The following KCNH2 variants were observed in gnomAD, a reference collection of about 807,000 sequenced individuals.
KCNH2 encodes the protein potassium voltage-gated channel subfamily H member 2.
In KCNH2, 35 loss-of-function variants were observed where a neutral mutation model predicts 95.9. The observed-to-expected ratio is 0.37, with a 90% CI of 0.28 to 0.48. KCNH2 has a LOEUF of 0.48. KCNH2 is among the 20% of genes least tolerant of loss of function. The probability of loss-of-function intolerance (pLI) is 0.99; values close to 1 mark genes in which losing one functional copy is unlikely to be tolerated. For synonymous variants in KCNH2, 786 were observed against 754.7 expected (o/e 1.04, Z -0.68); for missense variants, 1,274 against 1,702.9 (o/e 0.75, Z 4.43).
In KCNH2 at chr7:150,951,898, G is replaced by C. The variant is rs2072411; in HGVS notation, c.1558-63C>G. 0.36 allele frequency: 528,467 copies of C among 1,452,134 alleles called. 100,047 individuals carry two copies. Among genetic ancestry groups the C allele is most frequent in the East Asian group, 0.71 (31,111 of 43,626 alleles). The allele number at this position is 1,452,134 out of a possible 1,614,324, so 90.0% of individuals were successfully genotyped here. A position where few individuals can be genotyped will look rare whatever the true frequency, so the allele number is the denominator to read the frequency against. ...CAAGGGGGGCAAGGGAGGAGGGGAG[G>C]TGCTGCGGCCCTCAGAGCGAGCATC... On this transcript the variant is annotated intron_variant, in intron 6 of 14. Transcript: ENST00000262186.
rs1229265065 is a variant in KCNH2, at chr7:150,958,116, C to T, written c.859G>A (p.Asp287Asn). 6.2e-6 allele frequency: 8 copies of T among 1,298,368 alleles called. No homozygotes were observed. In the South Asian group the frequency reaches 9.7e-5, roughly 16 times the overall value. The allele number at this position is 1,298,368 out of a possible 1,614,324, so 80.4% of individuals were successfully genotyped here. A position where few individuals can be genotyped will look rare whatever the true frequency, so the allele number is the denominator to read the frequency against. ...ASVRRASSADDIEAMRAGVLP... is the reference protein window; with the variant it reads ...ASVRRASSADNIEAMRAGVLP... ...ACCCCGGCGCGCATGGCCTCGATGT[C>T]GTCGGCCGACGAGGCGCGGCGCACG... Residue 287 changes from aspartate (D) to asparagine (N), a missense_variant, in exon 4 of 15, where the codon GAC becomes AAC. Physicochemically the swap from Asp to Asn is conservative, Grantham distance 23. Coordinates refer to ENST00000262186, the MANE Select transcript of KCNH2 (RefSeq NM_000238.4).
At chr7:150,948,236 G>A (rs1001177525) in intron 11 of KCNH2, among the ~76,000 whole-genome samples, 11 of 152,218 alleles carry the variant, frequency 7.2e-5, no homozygotes, top group Admixed American at 1.3e-4. Context: ...GCCCTGGAGG[G>A]TGGAAGAGGG....
intron 2 of KCNH2, among the ~76,000 whole-genome samples, chr7:150,970,391 G>A (rs1210377811): frequency 6.6e-6 from 1 of 152,014 alleles, no homozygotes; most frequent in African/African-American, 2.4e-5. Context: ...CCTCTCCGGG[G>A]GCTGCAGAAG....
At chr7:150,970,841 C>A (rs946364563) in intron 2 of KCNH2, among the ~76,000 whole-genome samples, 2 of 152,216 alleles carry the variant, frequency 1.3e-5, no homozygotes, top group African/African-American at 4.8e-5. Context: ...TGTGTCTAAG[C>A]CCCATCCTCT....
intron 2 of KCNH2, among the ~76,000 whole-genome samples, chr7:150,963,785 T>C (rs1368147122): frequency 6.6e-6 from 1 of 152,188 alleles, no homozygotes; most frequent in Admixed American, 6.5e-5. Context: ...CCCAATGGCC[T>C]GGGTGAGGCA....
At chr7:150,957,842 A>C (rs1020788985) in intron 4 of KCNH2, among the ~76,000 whole-genome samples, 17 of 152,214 alleles carry the variant, frequency 1.1e-4, no homozygotes, top group Non-Finnish European at 2.4e-4. Flanking sequence ...CCAGGGGCCC[A>C]CCAGGGCTCT....
At chr7:150,951,209 G>T in intron 7 of KCNH2, 89 bp from the exon 8 acceptor site, 1 of 1,192,454 alleles carries the variant, frequency 8.4e-7, no homozygotes, top group Non-Finnish European at 1.2e-6. Context: ...CCAGGTCAGT[G>T]TCTCAGTCTC....
At chr7:150,971,806 A>C (rs1801846792) in intron 2 of KCNH2, among the ~76,000 whole-genome samples, 1 of 152,006 alleles carries the variant, frequency 6.6e-6, no homozygotes, top group South Asian at 2.1e-4. Flanking sequence ...GCAGGGAAGC[A>C]GGGAGCAGAG....
chr7:150,945,947 G>A lies in KCNH2; in HGVS notation c.3331-433C>T, dbSNP rs978027303. Among the ~76,000 whole-genome samples, 4 of 152,208 alleles carry A rather than the reference G, an allele frequency of 2.6e-5. No homozygotes were observed. The highest frequency in any genetic ancestry group is 9.7e-5 in the African/African-American group (4 of 41,434). ...GACCTAGAAACAGAGGCAGGCTGGC[G>A]GCCAGGCATCTGAAGGCCAGGGAGA... On this transcript the variant is annotated intron_variant, in intron 14 of 14. Coordinates refer to ENST00000262186, the MANE Select transcript of KCNH2 (RefSeq NM_000238.4). The surrounding 1 kb of genome is among the most constrained non-coding windows in gnomAD (Gnocchi z 5.6).
intron 2 of KCNH2, among the ~76,000 whole-genome samples, chr7:150,967,411 T>C (rs1039562281): frequency 2.6e-5 from 4 of 152,176 alleles, no homozygotes; most frequent in Non-Finnish European, 5.9e-5. Context: ...CGGAAGGCTA[T>C]AGGTTTTTGT....
chr7:150,947,684 G>A lies in KCNH2; in HGVS notation c.2887C>T (p.Pro963Ser). The A allele has an allele frequency of 1.2e-6, 2 of 1,601,120 alleles. No homozygotes were observed. Among genetic ancestry groups the A allele is most frequent in the Non-Finnish European group, 1.7e-6 (2 of 1,174,622 alleles). ...TCCCCACCCGGCGGCTCTCCGGGGGGCCTGGGGCTGGAGAAGGGCACCAGG... is the reference window on the plus strand; with the variant it reads ...TCCCCACCCGGCGGCTCTCCGGGGGACCTGGGGCTGGAGAAGGGCACCAGG... ...LRLVPFSSPR[P>S]PGEPPGGEPL... is the part of the protein sequence containing the mutation. The change falls in exon 12 of 15, where the codon CCC (proline) becomes TCC (serine). Residue 963 changes from proline to serine, a missense_variant. By Grantham distance (74) the Pro-to-Ser change is moderately conservative. Coordinates refer to ENST00000262186, the MANE Select transcript of KCNH2 (RefSeq NM_000238.4).
rs368541632 is a variant in KCNH2 at position 150,946,500 on chromosome 7, G to A, written c.3330+377C>T. On this transcript the variant is annotated intron_variant, in intron 14 of 14. Coordinates refer to ENST00000262186, the MANE Select transcript of KCNH2 (RefSeq NM_000238.4). This position sits in a 1 kb window ranked among gnomAD's most constrained non-coding sequence, Gnocchi z 6.5. The stretch of plus-strand genomic sequence containing the variant: ...TATGCAGCCTCCACCGCCACGTCTC[G>A]GGCTCAGTCAGTTCTTGGAGACCAC... Among the ~76,000 whole-genome samples, 284 of 152,298 alleles carry A rather than the reference G, an allele frequency of 1.9e-3. 2 individuals are homozygous for A. Among genetic ancestry groups the A allele is most frequent in the African/African-American group, 6.4e-3 (268 of 41,568 alleles).
intron 9 of KCNH2, 145 bp downstream of exon 9, chr7:150,950,023 C>T (rs1277664123): frequency 1.7e-5 from 27 of 1,587,864 alleles, no homozygotes; most frequent in Non-Finnish European, 2.3e-5. Flanking sequence ...GCTTGGAGGG[C>T]CTGAGTTTAG....
chr7:150,977,642 CT>C (rs1802008591), intron 1 of KCNH2, among the ~76,000 whole-genome samples, 195 bp downstream of exon 1: 1 of 151,774 alleles, frequency 6.6e-6, no homozygotes, highest in African/African-American at 2.4e-5. Context: ...ACCCCAAACC[CT>C]TTGGCCCGGT....
rs2037670420 is a variant in KCNH2 at position 150,961,964 on chromosome 7, C to T, written c.308-2228G>A. The stretch of plus-strand genomic sequence containing the variant: ...GAAGGGGCTGGCCAGGAACTCTCCG[C>T]CCCACCCCACAGCTCTTCCACTCAC... On this transcript the variant is annotated intron_variant, in intron 2 of 14. Transcript: ENST00000262186. This position sits in a 1 kb window ranked among gnomAD's most constrained non-coding sequence, Gnocchi z 6.2. 1.3e-5 allele frequency among the ~76,000 whole-genome samples: 2 copies of T among 152,208 alleles called. No individual in the cohort carries two copies. The highest frequency in any genetic ancestry group is 1.5e-5 in the Non-Finnish European group (1 of 68,036).
chr7:150,948,405 T>C, intron 11 of KCNH2, 39 bp downstream of exon 11: 1 of 1,431,170 alleles, frequency 7.0e-7, no homozygotes. Context: ...AGCCTCACCT[T>C]GTCCCCGCCC....
chr7:150,956,409 G>A (rs992637496), intron 5 of KCNH2, among the ~76,000 whole-genome samples: 1 of 152,218 alleles, frequency 6.6e-6, no homozygotes, highest in Non-Finnish European at 1.5e-5. Context: ...GGCAGCTGCT[G>A]TGGAAGGGGC....
intron 5 of KCNH2, chr7:150,955,802 C>T: frequency 8.6e-7 from 1 of 1,158,234 alleles, no homozygotes; most frequent in Non-Finnish European, 1.1e-6. Context: ...AGCGGCCGCA[C>T]TCGGAACCTC....
rs28928905 is a variant in KCNH2 at position 150,952,514 on chromosome 7, C to T, written c.1468G>A (p.Ala490Thr). The T allele has an allele frequency of 6.2e-7, 1 of 1,614,160 alleles. No homozygotes were observed. The highest frequency in any genetic ancestry group is 8.5e-7 in the Non-Finnish European group (1 of 1,180,030). ...EEVVSHPGRI[A>T]VHYFKGWFLI... ...AACCAGCCCTTGAAGTAGTGGACGG[C>T]GATGCGGCCGGGGTGGCTGACCACC... The change falls in exon 6 of 15, where the codon GCC becomes ACC. Residue 490 changes from alanine (A) to threonine (T), a missense_variant. This residue lies in a region of KCNH2 where 147 missense variants were observed against 344.4 expected (regional missense o/e 0.43). Transcript: ENST00000262186. This position sits in a 1 kb window ranked among gnomAD's most constrained non-coding sequence, Gnocchi z 7.3.
Sources: gnomAD v4.1 joint callset for allele counts (sites outside exome capture counted in the v4.1 genomes callset) on GRCh38, gnomAD v4.1.1 for gene constraint, gnomAD v4.1.1 regional missense constraint, Gnocchi (gnomAD v3.1) non-coding constraint, MANE v1.5 for transcripts, NCBI Gene and HGNC (gene_info 2026-07-23, HGNC 2026-07-21) for gene names.